CNOT1: variants seen among roughly 807,000 people sequenced by gnomAD.
CNOT1 encodes CCR4-NOT transcription complex subunit 1.
Under a neutral mutation model 273.8 loss-of-function variants are expected in CNOT1, and 15 were observed. The ratio of observed to expected loss-of-function variants is 0.05; its 90% confidence interval spans 0.04 to 0.08. The LOEUF (loss-of-function observed/expected upper bound fraction) is 0.08, where lower values mean the gene tolerates loss of function less well. Ranked by LOEUF, CNOT1 falls within the 10% of genes least tolerant of loss-of-function variation. The pLI is 1.00. For synonymous variants in CNOT1, 1,022 were observed against 1,005.5 expected (o/e 1.02, Z -0.31); for missense variants, 1,644 against 2,912.2 (o/e 0.56, Z 10.02).
At chr16:58,552,426 A>G (rs2040482841) in intron 22 of CNOT1, among the ~76,000 whole-genome samples, 1 of 152,190 alleles carries the variant, frequency 6.6e-6, no homozygotes, top group African/African-American at 2.4e-5. Flanking sequence ...TTACGCTGAT[A>G]AAGTACAGAA....
chr16:58,566,469 G>T (rs748974820), intron 16 of CNOT1, among the ~76,000 whole-genome samples: 6 of 152,156 alleles, frequency 3.9e-5, no homozygotes, highest in Non-Finnish European at 8.8e-5. Context: ...AACATTTTGC[G>T]CAATTTTAAC....
At chr16:58,599,946 C>T (rs911089213) in intron 1 of CNOT1, among the ~76,000 whole-genome samples, 1 of 151,790 alleles carries the variant, frequency 6.6e-6, no homozygotes, top group African/African-American at 2.4e-5. Flanking sequence ...GCCTGTAATC[C>T]CAGCTACCCA....
intron 14 of CNOT1, among the ~76,000 whole-genome samples, chr16:58,575,397 G>C (rs1279974001): frequency 6.6e-6 from 1 of 152,102 alleles, no homozygotes; most frequent in Non-Finnish European, 1.5e-5. Flanking sequence ...ACCTAGAGCA[G>C]AACAAGACTC....
Position 58,537,899 on chromosome 16 carries a change from A to T in CNOT1, c.5406T>A (p.Ala1802=), listed in dbSNP as rs1347080072. 6.2e-7 allele frequency: 1 copy of T among 1,614,022 alleles called. No individual in the cohort carries two copies. Among genetic ancestry groups the T allele is most frequent in the Non-Finnish European group, 8.5e-7 (1 of 1,180,012 alleles). The stretch of plus-strand genomic sequence containing the variant: ...AAGCATTTCATCCTCACCCTTCTGG[A>T]GCATTGCCTCTGGAATGAGCATTAA... ...MRINAHSRGN[A]PEGLPQLMEV... Residue 1802 remains alanine, a synonymous_variant, in exon 38 of 49, where the codon GCT becomes GCA. Coordinates refer to ENST00000317147, the MANE Select transcript of CNOT1 (RefSeq NM_016284.5).
chr16:58,626,385 C>T (rs2043582057), intron 1 of CNOT1, among the ~76,000 whole-genome samples: 2 of 114,772 alleles, frequency 1.7e-5, no homozygotes, highest in East Asian at 3.0e-4. Flanking sequence ...CCAGCCTGGG[C>T]AACAGAGCGA....
In CNOT1 at chr16:58,551,940, T is replaced by A. The variant is rs971223251; in HGVS notation, c.2971-121A>T. On this transcript the variant is annotated intron_variant, in intron 22 of 48. Coordinates refer to ENST00000317147, the MANE Select transcript of CNOT1 (RefSeq NM_016284.5). ...GCTCTTTTGGTTCATCTAGCTCACA[T>A]ACTCTTTGCCCCATACCCTGGCACT... 12 of 1,296,706 alleles carry A rather than the reference T, an allele frequency of 9.3e-6. No individual in the cohort carries two copies. In the Admixed American group the frequency reaches 1.3e-4, roughly 14 times the overall value. 80.3% of individuals were successfully genotyped at this position (1,296,706 alleles called of 1,614,324 possible). A position where few individuals can be genotyped will look rare whatever the true frequency, so the allele number is the denominator to read the frequency against.
chr16:58,557,745 T>C (rs1181813406), intron 18 of CNOT1, among the ~76,000 whole-genome samples: 1 of 152,196 alleles, frequency 6.6e-6, no homozygotes, highest in African/African-American at 2.4e-5. Flanking sequence ...TCCCAGCACT[T>C]TGGGGGGCCA....
rs1438047975 is a variant in CNOT1, at chr16:58,555,196, G to C, written c.2891+55C>G. ...GCACTCCAGCCTGGATGAGAGTTAA[G>C]ACCCTGTCTGCGGGGTCAGGGAAGA... On this transcript the variant is annotated intron_variant, in intron 21 of 48. Transcript: ENST00000317147. The C allele has an allele frequency of 2.5e-6, 4 of 1,589,398 alleles. No individual in the cohort carries two copies. The African/African-American group carries it at 5.4e-5, about 21-fold the overall frequency.
At chr16:58,626,004 A>T (rs1469460907) in intron 1 of CNOT1, among the ~76,000 whole-genome samples, 5 of 152,222 alleles carry the variant, frequency 3.3e-5, no homozygotes, top group Non-Finnish European at 5.9e-5. Flanking sequence ...ACTCAATGGG[A>T]TGCCATTTTG....
At chr16:58,582,971 A>C in intron 9 of CNOT1, 68 bp from the exon 10 acceptor site, 8 of 1,610,590 alleles carry the variant, frequency 5.0e-6, no homozygotes, top group Non-Finnish European at 6.8e-6. Flanking sequence ...TCGATAGAAC[A>C]ATCAATCATA....
At chr16:58,533,412 G>A (rs546360143) in intron 40 of CNOT1, among the ~76,000 whole-genome samples, 6 of 152,308 alleles carry the variant, frequency 3.9e-5, no homozygotes, top group Non-Finnish European at 7.4e-5. Context: ...TGAGGCAGGC[G>A]GATCACAAGG....
At chr16:58,607,943 G>A (rs541261529) in intron 1 of CNOT1, among the ~76,000 whole-genome samples, 2 of 151,902 alleles carry the variant, frequency 1.3e-5, no homozygotes, top group African/African-American at 2.4e-5. Context: ...AGGGTGAGGC[G>A]GGCAGATCAC....
chr16:58,545,620 A>G, intron 29 of CNOT1, 129 bp from the exon 30 acceptor site: 1 of 1,447,438 alleles, frequency 6.9e-7, no homozygotes, highest in South Asian at 1.4e-5. Flanking sequence ...GGAAGGATGT[A>G]GCAGGTCCTA....
rs1157804005 is a variant in CNOT1, at chr16:58,560,457, G to T, written c.1980-95C>A. The T allele has an allele frequency of 6.1e-6, 9 of 1,487,412 alleles. No homozygotes were observed. In the East Asian group the frequency reaches 1.9e-4, roughly 32 times the overall value. 92.1% of individuals were successfully genotyped at this position (1,487,412 alleles called of 1,614,324 possible). On this transcript the variant is annotated intron_variant, in intron 16 of 48. Transcript: ENST00000317147. ...TCTGATTTTTTTTTTTTTTAAGATGGAGTCTCACTCTGTCACCCAGACTGG... is the reference window on the plus strand; with the variant it reads ...TCTGATTTTTTTTTTTTTTAAGATGTAGTCTCACTCTGTCACCCAGACTGG...
chr16:58,553,728 A>G, intron 22 of CNOT1, 54 bp downstream of exon 22: 1 of 1,555,552 alleles, frequency 6.4e-7, no homozygotes. Flanking sequence ...CCAAAATATT[A>G]AACCCTCCAA....
chr16:58,597,361 G>A (rs546025135), intron 2 of CNOT1, among the ~76,000 whole-genome samples: 1 of 152,084 alleles, frequency 6.6e-6, no homozygotes, highest in East Asian at 1.9e-4. Context: ...TGTAATCCCA[G>A]CTACTCGGGA....
At chr16:58,541,394 T>A (rs548130955) in intron 34 of CNOT1, 107 bp downstream of exon 34, 1 of 1,491,540 alleles carries the variant, frequency 6.7e-7, no homozygotes, top group Admixed American at 2.3e-5. Flanking sequence ...AGGTGTTTTT[T>A]CCCCTGTAAA....
chr16:58,623,349 T>C (rs1004470494), intron 1 of CNOT1: 3 of 152,218 alleles, frequency 2.0e-5, no homozygotes, highest in Non-Finnish European at 4.4e-5. Flanking sequence ...TTTCTTTTTG[T>C]ATGCTGAGTT....
rs942396737 is a variant in CNOT1, at chr16:58,574,869, C to T, written c.1828-109G>A. ...TAAAATCCAAAATAAGTAACATCTTCATTGCCATTTAAAAAAGTTGTTTCT... is the reference window on the plus strand; with the variant it reads ...TAAAATCCAAAATAAGTAACATCTTTATTGCCATTTAAAAAAGTTGTTTCT... On this transcript the variant is annotated intron_variant, in intron 15 of 48. Coordinates refer to ENST00000317147, the MANE Select transcript of CNOT1 (RefSeq NM_016284.5). The T allele has an allele frequency of 2.6e-6, 4 of 1,560,498 alleles. No homozygotes were observed. The African/African-American group carries it at 5.6e-5, about 22-fold the overall frequency.
Sources: allele counts gnomAD v4.1 joint callset (sites outside exome capture counted in the v4.1 genomes callset), GRCh38; gene constraint gnomAD v4.1.1; transcripts MANE v1.5; gene names NCBI Gene and HGNC (gene_info 2026-07-23, HGNC 2026-07-21).